Variants in EIF2AK4 observed in about 807,000 individuals in gnomAD.
EIF2AK4 encodes the protein eIF-2-alpha kinase GCN2.
Under a neutral mutation model 211.1 loss-of-function variants are expected in EIF2AK4, and 139 were observed. The ratio of observed to expected loss-of-function variants is 0.66; its 90% CI spans 0.57 to 0.76. The LOEUF (loss-of-function observed/expected upper bound fraction) is 0.76. Among genes scored for constraint, EIF2AK4 ranks in the 30% least tolerant of loss-of-function variants. The pLI, the probability that EIF2AK4 is intolerant of heterozygous loss-of-function variation, is 0.00. For missense variants in EIF2AK4, 1,664 were observed against 2,043.8 expected, an observed-to-expected ratio of 0.81 and a Z score of 3.58; for synonymous variants, 710 against 751.3, an observed-to-expected ratio of 0.94 and a Z score of 0.90.
At chr15:39,959,780 A>G (rs1210347091) in intron 6 of EIF2AK4, among the ~76,000 whole-genome samples, 2 of 152,206 alleles carry the variant, frequency 1.3e-5, no homozygotes, top group East Asian at 1.9e-4. Flanking sequence ...TTCTCCATAA[A>G]TCTCAGTGTG....
At chr15:39,988,766 C>G (rs1488897286) in intron 15 of EIF2AK4, among the ~76,000 whole-genome samples, 1 of 152,098 alleles carries the variant, frequency 6.6e-6, no homozygotes, top group Non-Finnish European at 1.5e-5. Flanking sequence ...TTTGGGAGGT[C>G]AAGATGGGCG....
intron 18 of EIF2AK4, among the ~76,000 whole-genome samples, chr15:39,993,116 C>G (rs549350564): frequency 6.7e-6 from 1 of 149,778 alleles, no homozygotes; most frequent in Non-Finnish European, 1.5e-5. Context: ...ACCCACCCAT[C>G]CACCCATCCA....
chr15:39,965,818 A>T lies in EIF2AK4; in HGVS notation c.992A>T (p.Glu331Val). 1 of 1,614,056 alleles carries T rather than the reference A, an allele frequency of 6.2e-7. No homozygotes were observed. The highest frequency in any genetic ancestry group is 8.5e-7 in the Non-Finnish European group (1 of 1,179,930). ...MGPFLTSQEK[E>V]KIDKCKKQIQ... ...CCATTCCTTACCAGTCAAGAAAAAG[A>T]GAAGATTGATAAGTGCAAAAAGCAG... The change falls in exon 8 of 39, where the codon GAG (glutamate) becomes GTG (valine). Residue 331 changes from glutamate to valine, a missense_variant. Glu to Val is a moderately radical substitution (Grantham distance 121). Coordinates refer to ENST00000263791, the MANE Select transcript of EIF2AK4 (RefSeq NM_001013703.4).
chr15:39,991,008 A>T (rs1422744478), intron 16 of EIF2AK4, among the ~76,000 whole-genome samples: 2 of 152,356 alleles, frequency 1.3e-5, no homozygotes, highest in African/African-American at 4.8e-5. Context: ...GGGGCAGTTG[A>T]GGAGTCACTG....
chr15:40,027,880 ACT>A (rs1189226865), intron 33 of EIF2AK4, among the ~76,000 whole-genome samples: 1 of 144,008 alleles, frequency 6.9e-6, no homozygotes, highest in Non-Finnish European at 1.6e-5. Flanking sequence ...ACAGAGCGAG[ACT>A]CTGTCTCAAA....
chr15:40,006,736 TTAAC>T (rs1466493015), intron 23 of EIF2AK4, among the ~76,000 whole-genome samples: 3 of 152,150 alleles, frequency 2.0e-5, no homozygotes, highest in African/African-American at 7.2e-5. Flanking sequence ...CAGAGAATAT[TTAAC>T]TAAAAGTGAA....
In EIF2AK4 at chr15:39,960,836, A is replaced by G. The variant is rs142907522; in HGVS notation, c.744-948A>G. Among the ~76,000 whole-genome samples, 378 of 152,320 alleles carry G rather than the reference A, an allele frequency of 2.5e-3. 2 individuals carry two copies. The highest frequency in any genetic ancestry group is 4.6e-3 in the Non-Finnish European group (316 of 68,028). On this transcript the variant is annotated intron_variant, in intron 6 of 38. Coordinates refer to ENST00000263791, the MANE Select transcript of EIF2AK4 (RefSeq NM_001013703.4). ...CACCCACAAAGAAAGAATAGTGCCA[A>G]TGCCAAGTAACTTTATAGGAGGAAC...
intron 32 of EIF2AK4, among the ~76,000 whole-genome samples, chr15:40,023,071 G>C (rs2035415955): frequency 6.6e-6 from 1 of 152,266 alleles, no homozygotes; most frequent in East Asian, 1.9e-4. Flanking sequence ...AAATAAGGAA[G>C]AGAGTCCACC....
chr15:39,968,046 T>C (rs540877219), intron 9 of EIF2AK4, among the ~76,000 whole-genome samples, 167 bp downstream of exon 9: 1 of 152,364 alleles, frequency 6.6e-6, no homozygotes, highest in Admixed American at 6.5e-5. Flanking sequence ...TTTTCTCATG[T>C]AGGTTGGTGA....
chr15:39,988,026 A>C lies in EIF2AK4; in HGVS notation c.2447A>C (p.Gln816Pro), dbSNP rs370476691. The C allele has an allele frequency of 6.2e-7, 1 of 1,614,212 alleles. No individual in the cohort carries two copies. Among genetic ancestry groups the C allele is most frequent in the East Asian group, 2.2e-5 (1 of 44,880 alleles). ...AGCACTTTACGAGACACCATTGACC[A>C]GGGACTGTATCGAGACACCGTCAGA... Reference protein sequence around the residue: ...EKSTLRDTIDQGLYRDTVRLW... With the variant: ...EKSTLRDTIDPGLYRDTVRLW... The change falls in exon 15 of 39, where the codon CAG becomes CCG. Residue 816 changes from glutamine (Q) to proline (P), a missense_variant. By Grantham distance (76) the Gln-to-Pro change is moderately conservative (BLOSUM62 -1). Around this residue, in one of 7 missense-constraint regions of EIF2AK4, gnomAD observed 622 missense variants for 796.8 expected, o/e 0.78. Coordinates refer to ENST00000263791, the MANE Select transcript of EIF2AK4 (RefSeq NM_001013703.4).
chr15:40,025,929 C>G, intron 32 of EIF2AK4, 48 bp from the exon 33 acceptor site: 1 of 1,573,058 alleles, frequency 6.4e-7, no homozygotes, highest in South Asian at 1.1e-5. Flanking sequence ...AGCTAGTCTT[C>G]TGGGTTCAGA....
In EIF2AK4 at chr15:39,996,960, T is replaced by G; in HGVS notation, c.2767-4T>G. The G allele has an allele frequency of 6.2e-7, 1 of 1,601,356 alleles. No individual in the cohort carries two copies. Among genetic ancestry groups the G allele is most frequent in the Non-Finnish European group, 8.6e-7 (1 of 1,168,496 alleles). ...CTCTAAATGCAATTATTCTTCCCCC[T>G]CAGAAAGTGGATCTCTTCAGCCTGG... On this transcript the variant is annotated splice_region_variant and splice_polypyrimidine_tract_variant and intron_variant, in intron 18 of 38. Transcript: ENST00000263791.
At chr15:39,977,187 C>T in intron 12 of EIF2AK4, 1 of 212,528 alleles carries the variant, frequency 4.7e-6, no homozygotes. Flanking sequence ...TAACCAAATG[C>T]AATCTAAAGG....
intron 32 of EIF2AK4, among the ~76,000 whole-genome samples, chr15:40,025,271 C>A (rs1030466642): frequency 1.4e-4 from 21 of 152,184 alleles, no homozygotes; most frequent in African/African-American, 5.1e-4. Context: ...AAATGCCAAC[C>A]AAGGAATCTG....
chr15:39,938,643 T>C (rs1004977676), intron 1 of EIF2AK4, among the ~76,000 whole-genome samples: 2 of 151,960 alleles, frequency 1.3e-5, no homozygotes, highest in Admixed American at 6.6e-5. Context: ...AATAAAAGAG[T>C]GGCTTATGGG....
chr15:39,978,120 A>C lies in EIF2AK4; in HGVS notation c.2292A>C (p.Glu764Asp). Reference sequence around the variant, plus strand: ...AAAGTGATATTATCTTTGACAATGAAGATGAGAACAGTAAAAGTCAGAATC... The same window carrying C: ...AAAGTGATATTATCTTTGACAATGACGATGAGAACAGTAAAAGTCAGAATC... Reference protein sequence around the residue: ...DSESDIIFDNEDENSKSQNQD... With the variant: ...DSESDIIFDNDDENSKSQNQD... The change falls in exon 13 of 39, where the codon GAA becomes GAC. Residue 764 changes from glutamate to aspartate, a missense_variant. Glu to Asp is a conservative substitution (Grantham distance 45). This residue lies in a region of EIF2AK4 where 206 missense variants were observed against 201.9 expected (regional missense o/e 1.02). Transcript: ENST00000263791. 1 of 1,590,282 alleles carries C rather than the reference A, an allele frequency of 6.3e-7. No individual in the cohort carries two copies. Among genetic ancestry groups the C allele is most frequent in the Non-Finnish European group, 8.6e-7 (1 of 1,164,088 alleles).
At chr15:40,029,241 A>T (rs936651767) in intron 33 of EIF2AK4, 165 bp from the exon 34 acceptor site, 6 of 930,632 alleles carry the variant, frequency 6.4e-6, no homozygotes, top group Non-Finnish European at 6.4e-6. Flanking sequence ...TGACCAAAGC[A>T]TAACTAAATG....
chr15:40,035,283 AACAAAGCAAG>A lies in EIF2AK4; in HGVS notation c.*202_*211del. On this transcript the variant is annotated 3_prime_UTR_variant, in exon 39 of 39. Transcript: ENST00000263791. ...CCAGGAGTTTGAGACCAGCCTGAGCAACAAAGCAAGACCCCATCTCTATAAAAACTAAAAA... is the reference window on the plus strand; with the variant it reads ...CCAGGAGTTTGAGACCAGCCTGAGCAACCCCATCTCTATAAAAACTAAAAA... The A allele has an allele frequency of 5.4e-6, 2 of 373,452 alleles. 1 individual carries two copies. The allele number at this position is 373,452 out of a possible 1,614,324, so 23.1% of individuals were successfully genotyped here.
Position 39,973,599 on chromosome 15 carries a change from A to C in EIF2AK4, c.1668A>C (p.Glu556Asp). The C allele has an allele frequency of 6.2e-7, 1 of 1,609,798 alleles. No homozygotes were observed. Among genetic ancestry groups the C allele is most frequent in the African/African-American group, 1.3e-5 (1 of 74,766 alleles). ...CTCCCTGTTTTATCTCAGATTCTGAAGGACAAGATTATGTTGAGACTGTTA... is the reference window on the plus strand; with the variant it reads ...CTCCCTGTTTTATCTCAGATTCTGACGGACAAGATTATGTTGAGACTGTTA... ...PLVEQSPEDS[E>D]GQDYVETVIP... is the part of the protein sequence containing the mutation. The change falls in exon 11 of 39, where the codon GAA (glutamate) becomes GAC (aspartate). Residue 556 changes from glutamate to aspartate, a missense_variant. This residue lies in a region of EIF2AK4 where 641 missense variants were observed against 729.6 expected (regional missense o/e 0.88). Coordinates refer to ENST00000263791, the MANE Select transcript of EIF2AK4 (RefSeq NM_001013703.4).
Sources: allele counts gnomAD v4.1 joint callset (sites outside exome capture counted in the v4.1 genomes callset), GRCh38; gene constraint gnomAD v4.1.1; regional missense constraint gnomAD v4.1.1; transcripts MANE v1.5; gene names NCBI Gene and HGNC (gene_info 2026-07-23, HGNC 2026-07-21).